EPHB1: variants seen among roughly 807,000 people sequenced by gnomAD.
EPHB1 encodes the protein ephrin type-B receptor 1.
A neutral mutation model predicts 94.4 loss-of-function variants in EPHB1; 30 were observed. The observed-to-expected ratio is 0.32, with a 90% CI of 0.24 to 0.43. EPHB1 has a LOEUF of 0.43. Among genes scored for constraint, EPHB1 ranks in the 20% least tolerant of loss-of-function variants. The pLI is 1.00. For missense variants in EPHB1, 1,055 were observed against 1,308.3 expected, an observed-to-expected ratio of 0.81 and a Z score of 2.99; for synonymous variants, 522 against 489.1, an observed-to-expected ratio of 1.07 and a Z score of -0.89.
chr3:134,982,524 C>G (rs943281173), intron 3 of EPHB1, among the ~76,000 whole-genome samples: 3 of 152,154 alleles, frequency 2.0e-5, no homozygotes, highest in Non-Finnish European at 4.4e-5. Context: ...CTCTCATAAC[C>G]TGATCATCAG....
At chr3:134,814,725 G>A (rs2036236688) in intron 1 of EPHB1, among the ~76,000 whole-genome samples, 1 of 152,184 alleles carries the variant, frequency 6.6e-6, no homozygotes, top group Non-Finnish European at 1.5e-5. Flanking sequence ...GTGAGGGAAG[G>A]CTCTGCATCT....
chr3:135,248,742 G>A (rs1943989806), intron 14 of EPHB1, among the ~76,000 whole-genome samples: 2 of 152,060 alleles, frequency 1.3e-5, no homozygotes, highest in African/African-American at 2.4e-5. Context: ...AAAAGTAAAC[G>A]AGTTTTGGGG....
At chr3:135,186,922 G>A (rs1182368946) in intron 10 of EPHB1, among the ~76,000 whole-genome samples, 3 of 152,150 alleles carry the variant, frequency 2.0e-5, no homozygotes, top group South Asian at 2.1e-4. Context: ...AGATGAAGCA[G>A]GCATTAGAAT....
chr3:134,816,340 C>A (rs1054508776), intron 1 of EPHB1, among the ~76,000 whole-genome samples: 1 of 151,998 alleles, frequency 6.6e-6, no homozygotes, highest in African/African-American at 2.4e-5. Flanking sequence ...ATGCTCCGCC[C>A]ACCTCGCCTC....
chr3:135,213,201 C>T (rs561633139), intron 12 of EPHB1, among the ~76,000 whole-genome samples: 1 of 152,316 alleles, frequency 6.6e-6, no homozygotes, highest in South Asian at 2.1e-4. Flanking sequence ...GCCCCAGGAG[C>T]ATTTCCTTCC....
At chr3:134,896,286 C>A (rs1018357759) in intron 1 of EPHB1, among the ~76,000 whole-genome samples, 2 of 152,034 alleles carry the variant, frequency 1.3e-5, no homozygotes, top group African/African-American at 4.8e-5. Context: ...CTTCTGGCTG[C>A]TGAGCTTGTT....
chr3:134,949,043 G>A (rs1578221727), intron 2 of EPHB1, among the ~76,000 whole-genome samples: 2 of 152,178 alleles, frequency 1.3e-5, no homozygotes, highest in East Asian at 1.9e-4. Flanking sequence ...AGTGGAGCAG[G>A]GAGAGATGCT....
intron 13 of EPHB1, 34 bp from the exon 14 acceptor site, chr3:135,248,278 GTCAC>G (rs1270772410): frequency 6.0e-6 from 9 of 1,491,758 alleles, no homozygotes; most frequent in East Asian, 4.7e-5. Flanking sequence ...GCTGGTGGCA[GTCAC>G]TCAATCACAC....
At chr3:135,121,658 T>C (rs1021638099) in intron 4 of EPHB1, among the ~76,000 whole-genome samples, 10 of 151,728 alleles carry the variant, frequency 6.6e-5, no homozygotes, top group Non-Finnish European at 1.3e-4. Flanking sequence ...AGATCAGAGG[T>C]GCTGTGAGCA....
At chr3:135,020,528 T>C (rs1282913124) in intron 3 of EPHB1, among the ~76,000 whole-genome samples, 4 of 152,238 alleles carry the variant, frequency 2.6e-5, no homozygotes, top group African/African-American at 7.2e-5. Context: ...TCATGCGCTA[T>C]ATGGCCTTTT....
At chr3:135,096,881 A>AG (rs1938794041) in intron 3 of EPHB1, among the ~76,000 whole-genome samples, 1 of 152,102 alleles carries the variant, frequency 6.6e-6, no homozygotes, top group Admixed American at 6.5e-5. Flanking sequence ...GCGGATCACG[A>AG]GGTCGGGAGA....
intron 10 of EPHB1, among the ~76,000 whole-genome samples, chr3:135,190,581 G>A (rs1942429879): frequency 3.5e-5 from 3 of 86,132 alleles, no homozygotes. Context: ...ACACATATGT[G>A]ACAGGTCTGT....
At chr3:135,233,525 C>A (rs1279203894) in intron 12 of EPHB1, among the ~76,000 whole-genome samples, 1 of 152,234 alleles carries the variant, frequency 6.6e-6, no homozygotes, top group African/African-American at 2.4e-5. Context: ...GTGTCTGCAG[C>A]TCTTCCAGGT....
At chr3:135,215,307 G>T (rs1461561470) in intron 12 of EPHB1, among the ~76,000 whole-genome samples, 1 of 152,106 alleles carries the variant, frequency 6.6e-6, no homozygotes, top group Non-Finnish European at 1.5e-5. Flanking sequence ...GGGATTACAG[G>T]CATGCGCCTC....
chr3:135,051,762 T>A (rs1427273273), intron 3 of EPHB1, among the ~76,000 whole-genome samples: 1 of 152,202 alleles, frequency 6.6e-6, no homozygotes, highest in Non-Finnish European at 1.5e-5. Flanking sequence ...GTTCCATGCC[T>A]CCTGTCAGGA....
At chr3:135,175,532 A>T (rs191571830) in intron 9 of EPHB1, among the ~76,000 whole-genome samples, 1 of 152,382 alleles carries the variant, frequency 6.6e-6, no homozygotes, top group East Asian at 1.9e-4. Flanking sequence ...CAAAATTAAT[A>T]AATTAATAGA....
chr3:134,823,229 A>C (rs1443005438), intron 1 of EPHB1, among the ~76,000 whole-genome samples: 1 of 152,222 alleles, frequency 6.6e-6, no homozygotes, highest in Admixed American at 6.5e-5. Flanking sequence ...TTGATGGAGA[A>C]AGTCAGTTCA....
intron 3 of EPHB1, among the ~76,000 whole-genome samples, chr3:134,979,095 T>C (rs1934308772): frequency 1.3e-5 from 2 of 152,248 alleles, no homozygotes; most frequent in Non-Finnish European, 2.9e-5. Context: ...ATCAAAATGT[T>C]AGAGGATTTT....
At chr3:134,903,550 G>A (rs1377072484) in intron 1 of EPHB1, among the ~76,000 whole-genome samples, 1 of 152,126 alleles carries the variant, frequency 6.6e-6, no homozygotes, top group African/African-American at 2.4e-5. Flanking sequence ...CCCTTTCTGA[G>A]AATCTCCTTC....
Sources: allele counts gnomAD v4.1 joint callset (sites outside exome capture counted in the v4.1 genomes callset), GRCh38; gene constraint gnomAD v4.1.1; transcripts MANE v1.5; gene names NCBI Gene and HGNC (gene_info 2026-07-23, HGNC 2026-07-21).